Variants in OAS1 observed in about 807,000 individuals in gnomAD.
OAS1 encodes 2'-5'-oligoadenylate synthetase 1.
In OAS1, 24 loss-of-function variants were observed where a neutral mutation model predicts 38.5. That is an observed-to-expected ratio of 0.62 (90% CI 0.45 to 0.88). The LOEUF (loss-of-function observed/expected upper bound fraction) is 0.88. Ranked by LOEUF, OAS1 falls within the 40% of genes least tolerant of loss-of-function variation. The pLI is 0.00. For missense variants in OAS1, 482 were observed against 493.9 expected, an observed-to-expected ratio of 0.98 and a Z score of 0.23; for synonymous variants, 169 against 193.9, an observed-to-expected ratio of 0.87 and a Z score of 1.07.
At chr12:112,919,320 A>T in intron 5 of OAS1, 69 bp from the exon 6 acceptor site, 3 of 1,408,054 alleles carry the variant, frequency 2.1e-6, no homozygotes, top group Non-Finnish European at 3.0e-6. Flanking sequence ...TGTCTACCGT[A>T]AATGCTCACT....
chr12:112,921,614 G>T (rs1196720771), downstream of OAS1, among the ~76,000 whole-genome samples: 4 of 152,128 alleles, frequency 2.6e-5, no homozygotes, highest in Non-Finnish European at 5.9e-5. Context: ...AATAGATATT[G>T]CCATAATCTC....
At chr12:112,909,880 A>G (rs2043351973) in intron 2 of OAS1, among the ~76,000 whole-genome samples, 2 of 152,242 alleles carry the variant, frequency 1.3e-5, no homozygotes, top group Admixed American at 6.5e-5. Context: ...TTGGTCATTA[A>G]GCAGTAATTA....
In OAS1 at chr12:112,908,525, G is replaced by T. The variant is rs373937699; in HGVS notation, c.181-11G>T. ...CTAAGCATCAATTATTATTTTTGTCGTCTTTTTCAGGGTGGCTCCTCAGGC... is the reference window on the plus strand; with the variant it reads ...CTAAGCATCAATTATTATTTTTGTCTTCTTTTTCAGGGTGGCTCCTCAGGC... On this transcript the variant is annotated splice_polypyrimidine_tract_variant and intron_variant, in intron 1 of 5. Transcript: ENST00000202917. 6.3e-7 allele frequency: 1 copy of T among 1,596,340 alleles called. No individual in the cohort carries two copies. The highest frequency in any genetic ancestry group is 8.5e-7 in the Non-Finnish European group (1 of 1,172,288).
At chr12:112,918,709 G>A (rs781001705) in intron 5 of OAS1, 25 of 451,858 alleles carry the variant, frequency 5.5e-5, no homozygotes, top group Non-Finnish European at 9.8e-5. Context: ...ATGTCACTGT[G>A]CTAAACAGCC....
chr12:112,919,598 C>T lies in OAS1; in HGVS notation c.*45C>T, dbSNP rs761766999. On this transcript the variant is annotated 3_prime_UTR_variant, in exon 6 of 6. Transcript: ENST00000202917. Reference sequence around the variant, plus strand: ...GAAAGGGCTCCAGTGTTATCTGGACCAGTTCCTTCATTTTCAGGTGGGACT... The same window carrying T: ...GAAAGGGCTCCAGTGTTATCTGGACTAGTTCCTTCATTTTCAGGTGGGACT... 3.7e-6 allele frequency: 6 copies of T among 1,613,920 alleles called. No homozygotes were observed. In the East Asian group the frequency reaches 1.3e-4, roughly 36 times the overall value.
chr12:112,928,460 A>T (rs1365758218), intron 6 of OAS1, among the ~76,000 whole-genome samples: 1 of 152,188 alleles, frequency 6.6e-6, no homozygotes, highest in Non-Finnish European at 1.5e-5. Context: ...GCTTAAAACA[A>T]CTGTGAAGTG....
At chr12:112,912,976 T>G (rs1340262571) in intron 3 of OAS1, among the ~76,000 whole-genome samples, 2 of 152,244 alleles carry the variant, frequency 1.3e-5, no homozygotes, top group Admixed American at 6.5e-5. Context: ...TACCACTTTC[T>G]TCACTATTCA....
exon 7 of OAS1, chr12:112,931,932 G>A (rs1372546771): frequency 8.5e-6 from 6 of 702,374 alleles, no homozygotes; most frequent in East Asian, 2.7e-5. Context: ...GTGAACATGC[G>A]GTGAATTTGC....
At chr12:112,924,351 G>A (rs1387731178), downstream of OAS1, among the ~76,000 whole-genome samples, 2 of 151,920 alleles carry the variant, frequency 1.3e-5, no homozygotes, top group Admixed American at 1.3e-4. Flanking sequence ...GTTCCTCTTG[G>A]CCCTTTTTAT....
intron 3 of OAS1, among the ~76,000 whole-genome samples, chr12:112,915,977 A>T (rs2043448816): frequency 6.6e-6 from 1 of 152,168 alleles, no homozygotes; most frequent in Non-Finnish European, 1.5e-5. Flanking sequence ...GTATTTGAAA[A>T]TTATGTGTGA....
intron 3 of OAS1, among the ~76,000 whole-genome samples, chr12:112,912,741 A>G (rs1488075987): frequency 6.6e-6 from 1 of 152,218 alleles, no homozygotes; most frequent in Non-Finnish European, 1.5e-5. Context: ...ACAATGATCA[A>G]GAGAGTCCTG....
chr12:112,929,573 T>C (rs2043584787), intron 6 of OAS1, among the ~76,000 whole-genome samples: 1 of 152,242 alleles, frequency 6.6e-6, no homozygotes, highest in African/African-American at 2.4e-5. Context: ...AGATGTCAGG[T>C]GCTGTCCCAA....
chr12:112,919,807 A>G lies in OAS1; in HGVS notation c.*254A>G. On this transcript the variant is annotated 3_prime_UTR_variant, in exon 6 of 6. Coordinates refer to ENST00000202917, the MANE Select transcript of OAS1 (RefSeq NM_016816.4). ...GAGAGAGAACAGAGAGATTTAGATA[A>G]GAGAATGAAATTCCAGCCTTGACTT... 1 of 1,376,380 alleles carries G rather than the reference A, an allele frequency of 7.3e-7. No individual in the cohort carries two copies. The highest frequency in any genetic ancestry group is 2.5e-5 in the East Asian group (1 of 39,634). 85.3% of individuals were successfully genotyped at this position (1,376,380 alleles called of 1,614,324 possible).
intron 6 of OAS1, among the ~76,000 whole-genome samples, chr12:112,931,022 A>G (rs1209630925): frequency 2.4e-4 from 36 of 152,200 alleles, no homozygotes; most frequent in Non-Finnish European, 1.5e-5. Context: ...TTCCATATTT[A>G]CACCATCTTG....
chr12:112,921,252 C>G (rs1397625585), downstream of OAS1, among the ~76,000 whole-genome samples: 2 of 152,214 alleles, frequency 1.3e-5, no homozygotes, highest in East Asian at 3.8e-4. Flanking sequence ...ATCTTGGCAC[C>G]CTTAGCCCAG....
chr12:112,918,108 T>C (rs1313858866), intron 5 of OAS1: 5 of 297,208 alleles, frequency 1.7e-5, no homozygotes, highest in Non-Finnish European at 3.0e-5. Context: ...CTATATTGTG[T>C]AATGGTGGGG....
chr12:112,910,943 G>T, intron 2 of OAS1, 108 bp from the exon 3 acceptor site: 1 of 1,025,066 alleles, frequency 9.8e-7, no homozygotes. Context: ...CCCTGGGTCT[G>T]CTGCACTTTT....
At chr12:112,919,233 C>T (rs1457983685) in intron 5 of OAS1, 156 bp from the exon 6 acceptor site, 8 of 691,950 alleles carry the variant, frequency 1.2e-5, no homozygotes, top group Admixed American at 5.6e-5. Context: ...CGGCTGAAGT[C>T]TGTCTGCTGA....
chr12:112,907,433 T>C (rs532571823), intron 1 of OAS1, among the ~76,000 whole-genome samples: 8 of 152,306 alleles, frequency 5.3e-5, no homozygotes, highest in Non-Finnish European at 1.2e-4. Flanking sequence ...TCCCTATTAT[T>C]AACAAGTGAC....
Sources: allele counts gnomAD v4.1 joint callset (sites outside exome capture counted in the v4.1 genomes callset), GRCh38; gene constraint gnomAD v4.1.1; transcripts MANE v1.5; gene names NCBI Gene and HGNC (gene_info 2026-07-23, HGNC 2026-07-21).